The following SHFL variants were observed in gnomAD, a reference collection of about 807,000 sequenced individuals.
SHFL encodes the protein shiftless antiviral inhibitor of ribosomal frameshifting protein.
SHFL carries 12 observed loss-of-function variants against 34.7 expected under a neutral mutation model. The observed-to-expected ratio is 0.35, with a 90% CI of 0.22 to 0.56. SHFL has a LOEUF of 0.56. Among genes scored for constraint, SHFL ranks in the 20% least tolerant of loss-of-function variants. The pLI is 0.88. For missense variants in SHFL, 278 were observed against 411.1 expected (o/e 0.68, Z 2.80); for synonymous variants, 148 against 156.0 (o/e 0.95, Z 0.38).
Position 10,089,862 on chromosome 19 carries a change from C to T in SHFL, c.235-36C>T, listed in dbSNP as rs1381427317. ...TTATGTTGGTGCAGAAGGGGTGACA[C>T]CCCCCCACCTCATCCCCACCTGCCC... On this transcript the variant is annotated intron_variant, in intron 4 of 7. Transcript: ENST00000253110. The T allele has an allele frequency of 3.7e-6, 6 of 1,600,538 alleles. 1 individual carries two copies. The highest frequency in any genetic ancestry group is 3.4e-5 in the South Asian group (3 of 88,528).
In SHFL at chr19:10,087,241, TC is replaced by T; in HGVS notation, c.146-5del. ...AAGGGCCCTTCCCTTATATGCACTC[TC>T]CCCCGCAGGGGTAAAGCAAAAAGAT... On this transcript the variant is annotated splice_polypyrimidine_tract_variant and intron_variant, in intron 2 of 7. Transcript: ENST00000253110. The T allele has an allele frequency of 6.2e-7, 1 of 1,613,796 alleles. No individual in the cohort carries two copies.
chr19:10,089,407 T>G, intron 3 of SHFL: 1 of 1,597,368 alleles, frequency 6.3e-7, no homozygotes, highest in South Asian at 1.1e-5. Flanking sequence ...CTAGCCTCAC[T>G]CAGGCAAGCC....
At chr19:10,089,628 C>T (rs1211224459) in intron 3 of SHFL, 29 bp from the exon 4 acceptor site, 2 of 1,577,582 alleles carry the variant, frequency 1.3e-6, no homozygotes, top group Admixed American at 1.8e-5. Context: ...GCCCCATCCC[C>T]AGTTTCTGCC....
intron 5 of SHFL, among the ~76,000 whole-genome samples, chr19:10,090,898 ACT>A (rs1477517804): frequency 2.7e-5 from 4 of 149,698 alleles, no homozygotes; most frequent in African/African-American, 7.3e-5. Context: ...ACAGAGCAAG[ACT>A]CTGTCTCTAA....
rs976558963 is a variant in SHFL at position 10,091,803 on chromosome 19, C to T, written c.643+173C>T. The T allele has an allele frequency of 1.0e-5, 11 of 1,049,402 alleles. No homozygotes were observed. The Admixed American group carries it at 1.2e-4, about 11-fold the overall frequency. 65.0% of individuals were successfully genotyped at this position (1,049,402 alleles called of 1,614,324 possible). A position where few individuals can be genotyped will look rare whatever the true frequency, so the allele number is the denominator to read the frequency against. ...TTGCCCAGGAGGCTCTGAGGTTTCA[C>T]CCCAGTGGCCCGTGCCTGAGGGTCC... On this transcript the variant is annotated intron_variant, in intron 7 of 7. Coordinates refer to ENST00000253110, the MANE Select transcript of SHFL (RefSeq NM_018381.4). This position sits in a 1 kb window ranked among gnomAD's most constrained non-coding sequence, Gnocchi z 8.2.
Position 10,086,755 on chromosome 19 carries a change from T to C in SHFL, c.22-174T>C, listed in dbSNP as rs77076061. The stretch of plus-strand genomic sequence containing the variant: ...CAGTCCGCGCCTTCCCCCAACGCCC[T>C]GTGGGGACTTTGGCTTTTTCCAGGA... On this transcript the variant is annotated intron_variant, in intron 1 of 7. Coordinates refer to ENST00000253110, the MANE Select transcript of SHFL (RefSeq NM_018381.4). The surrounding 1 kb of genome is among the most constrained non-coding windows in gnomAD (Gnocchi z 5.2). 1.2e-6 allele frequency: 1 copy of C among 806,386 alleles called. No homozygotes were observed. The highest frequency in any genetic ancestry group is 1.8e-5 in the South Asian group (1 of 54,620). The allele number at this position is 806,386 out of a possible 1,614,324, so 50.0% of individuals were successfully genotyped here.
rs1242824378 is a variant in SHFL, at chr19:10,091,633, G to A, written c.643+3G>A. ...TGCCGACTGCTACAACCGGCGAGGT[G>A]AGGCTCTTCTCCCCCAACAGCCTGG... On this transcript the variant is annotated splice_donor_region_variant and intron_variant, in intron 7 of 7. Transcript: ENST00000253110. The surrounding 1 kb of genome is among the most constrained non-coding windows in gnomAD (Gnocchi z 8.2). 13 of 1,546,186 alleles carry A rather than the reference G, an allele frequency of 8.4e-6. No individual in the cohort carries two copies. The highest frequency in any genetic ancestry group is 1.2e-5 in the South Asian group (1 of 83,548).
chr19:10,089,135 C>G, intron 3 of SHFL: 1 of 655,252 alleles, frequency 1.5e-6, no homozygotes, highest in Non-Finnish European at 2.7e-6. Flanking sequence ...GCCGAAGTCA[C>G]TTGCCAGCAA....
Position 10,086,551 on chromosome 19 carries a change from A to G in SHFL, c.21+103A>G, listed in dbSNP as rs1459857945. ...CGCAGTTCCTGGGGACCCCCATCCT[A>G]GAACCCCAGATCCTTACCCCTGCCT... is the stretch of plus-strand genomic sequence containing the variant. On this transcript the variant is annotated intron_variant, in intron 1 of 7. Transcript: ENST00000253110. This position sits in a 1 kb window ranked among gnomAD's most constrained non-coding sequence, Gnocchi z 5.2. 2.7e-6 allele frequency: 3 copies of G among 1,105,328 alleles called. No individual in the cohort carries two copies. The highest frequency in any genetic ancestry group is 3.6e-6 in the Non-Finnish European group (3 of 844,800). The allele number at this position is 1,105,328 out of a possible 1,614,324, so 68.5% of individuals were successfully genotyped here.
In SHFL at chr19:10,090,005, C is replaced by G; in HGVS notation, c.342C>G (p.Ser114=). ...TGGACCGGCAGTTTGCCTGCTCCTC[C>G]TGCGACCACGTCTGGTGGCGCCGCG... ...PAVDRQFACS[S]CDHVWWRRVP... Residue 114 remains serine, a synonymous_variant, in exon 5 of 8, where the codon TCC becomes TCG. Coordinates refer to ENST00000253110, the MANE Select transcript of SHFL (RefSeq NM_018381.4). 1 of 1,607,842 alleles carries G rather than the reference C, an allele frequency of 6.2e-7. No individual in the cohort carries two copies. The highest frequency in any genetic ancestry group is 8.5e-7 in the Non-Finnish European group (1 of 1,177,616).
intron 3 of SHFL, 51 bp from the exon 4 acceptor site, chr19:10,089,606 A>G: frequency 6.4e-7 from 1 of 1,562,764 alleles, no homozygotes; most frequent in East Asian, 2.4e-5. Flanking sequence ...AAACGGGTGG[A>G]AAGAGGCCTG....
rs374201119 is a variant in SHFL at position 10,086,353 on chromosome 19, G to A, written c.-75G>A. The A allele has an allele frequency of 1.3e-5, 16 of 1,240,580 alleles. No homozygotes were observed. Among genetic ancestry groups the A allele is most frequent in the African/African-American group, 4.7e-5 (3 of 64,390 alleles). The allele number at this position is 1,240,580 out of a possible 1,614,324, so 76.8% of individuals were successfully genotyped here. A position where few individuals can be genotyped will look rare whatever the true frequency, so the allele number is the denominator to read the frequency against. On this transcript the variant is annotated 5_prime_UTR_variant, in exon 1 of 8. Transcript: ENST00000253110. This position sits in a 1 kb window ranked among gnomAD's most constrained non-coding sequence, Gnocchi z 5.2. ...CCCTGCCCTGCGCGGCTGCTGGACC[G>A]ACGGGCGCACCCAGGTAGGGGGGCG... is the stretch of plus-strand genomic sequence containing the variant.
In SHFL at chr19:10,092,920, C is replaced by CA; in HGVS notation, c.*625dup. 7.3e-6 allele frequency: 5 copies of CA among 684,010 alleles called. No homozygotes were observed. The highest frequency in any genetic ancestry group is 3.3e-5 in the South Asian group (1 of 30,338). The allele number at this position is 684,010 out of a possible 1,614,324, so 42.4% of individuals were successfully genotyped here. ...AAGCCCTGATCTTCCATCTCCTCAG[C>CA]AAAAAAATAGGAGCCCTGGCCCCCC... On this transcript the variant is annotated 3_prime_UTR_variant, in exon 8 of 8. Coordinates refer to ENST00000253110, the MANE Select transcript of SHFL (RefSeq NM_018381.4).
chr19:10,087,193 C>T, intron 2 of SHFL, 58 bp from the exon 3 acceptor site: 1 of 1,608,908 alleles, frequency 6.2e-7, no homozygotes, highest in Non-Finnish European at 8.5e-7. Context: ...CTCTGGGTGG[C>T]CTGGAACTCC....
At position 10,087,283 on chromosome 19, in the gene SHFL, A is replaced by T. The variant is rs771694772; in HGVS notation, c.178A>T (p.Asn60Tyr). ...VKQKDGQELS[N>Y]DLDAQDPPED... ...GCAAAAAGATGGCCAAGAACTAAGT[A>T]ACGATCTGGATGCCCAGGTAACCTA... The change falls in exon 3 of 8, where the codon AAC (asparagine) becomes TAC (tyrosine). Residue 60 changes from asparagine to tyrosine, a missense_variant. Physicochemically the swap from Asn to Tyr is moderately radical, Grantham distance 143 (BLOSUM62 -2). Coordinates refer to ENST00000253110, the MANE Select transcript of SHFL (RefSeq NM_018381.4). The T allele has an allele frequency of 1.2e-6, 2 of 1,614,030 alleles. No homozygotes were observed. The highest frequency in any genetic ancestry group is 1.7e-6 in the Non-Finnish European group (2 of 1,179,900).
rs1321532066 is a variant in SHFL at position 10,091,465 on chromosome 19, C to T, written c.489-11C>T. The T allele has an allele frequency of 2.6e-6, 4 of 1,539,478 alleles. No individual in the cohort carries two copies. Among genetic ancestry groups the T allele is most frequent in the Admixed American group, 2.0e-5 (1 of 50,586 alleles). On this transcript the variant is annotated splice_polypyrimidine_tract_variant and intron_variant, in intron 6 of 7. Coordinates refer to ENST00000253110, the MANE Select transcript of SHFL (RefSeq NM_018381.4). This position sits in a 1 kb window ranked among gnomAD's most constrained non-coding sequence, Gnocchi z 8.2. ...TCGCCCTCGGACCCTCACAGCCCTG[C>T]CCGCCCCCAGGGGCTGGGCACAGAT... is the stretch of plus-strand genomic sequence containing the variant.
intron 3 of SHFL, among the ~76,000 whole-genome samples, chr19:10,088,700 C>G (rs185885653): frequency 1.3e-5 from 2 of 152,054 alleles, no homozygotes; most frequent in Non-Finnish European, 2.9e-5. Context: ...AATTCCAGCA[C>G]TTTGGGAGGT....
chr19:10,089,937 C>G lies in SHFL; in HGVS notation c.274C>G (p.Leu92Val), dbSNP rs1446943612. Residue 92 changes from leucine to valine, a missense_variant, in exon 5 of 8, where the codon CTA becomes GTA. Leu to Val is a conservative substitution (Grantham distance 32, BLOSUM62 1). Coordinates refer to ENST00000253110, the MANE Select transcript of SHFL (RefSeq NM_018381.4). The stretch of plus-strand genomic sequence containing the variant: ...CCTCCTGCCACTGACAGAAGCCAAC[C>G]TACGCATGTTTCAACGTGCCCAGGA... ...TSLLPLTEAN[L>V]RMFQRAQDDL... is the part of the protein sequence containing the mutation. 2.0e-5 allele frequency: 33 copies of G among 1,612,238 alleles called. No individual in the cohort carries two copies. In the East Asian group the frequency reaches 7.4e-4, roughly 36 times the overall value.
At position 10,092,935 on chromosome 19, in the gene SHFL, C is replaced by T. The variant is rs1318546913; in HGVS notation, c.*633C>T. 1.5e-5 allele frequency: 9 copies of T among 583,980 alleles called. No individual in the cohort carries two copies. Among genetic ancestry groups the T allele is most frequent in the East Asian group, 1.2e-4 (4 of 32,794 alleles). 36.2% of individuals were successfully genotyped at this position (583,980 alleles called of 1,614,324 possible). On this transcript the variant is annotated 3_prime_UTR_variant, in exon 8 of 8. Transcript: ENST00000253110. ...ATCTCCTCAGCAAAAAAATAGGAGC[C>T]CTGGCCCCCCAACTTTCTTCAGAGT...
Sources: gnomAD v4.1 joint callset for allele counts (sites outside exome capture counted in the v4.1 genomes callset) on GRCh38, gnomAD v4.1.1 for gene constraint, Gnocchi (gnomAD v3.1) non-coding constraint, MANE v1.5 for transcripts, NCBI Gene and HGNC (gene_info 2026-07-23, HGNC 2026-07-21) for gene names.